Variants in TLR4 observed in about 807,000 individuals in gnomAD.
TLR4 encodes the protein toll like receptor 4.
A neutral mutation model predicts 27.4 loss-of-function variants in TLR4; 17 were observed. That is an observed-to-expected ratio of 0.62 (90% CI 0.42 to 0.93). The LOEUF (loss-of-function observed/expected upper bound fraction) is 0.93. Ranked by LOEUF, TLR4 falls within the 40% of genes least tolerant of loss-of-function variation. The pLI is 0.00. For synonymous variants in TLR4, 363 were observed against 365.7 expected (o/e 0.99, Z 0.08); for missense variants, 926 against 962.3 (o/e 0.96, Z 0.50).
chr9:117,713,978 G>T lies in TLR4; in HGVS notation c.1850G>T (p.Gly617Val), dbSNP rs1231867627. The change falls in exon 3 of 3, where the codon GGC becomes GTC. Residue 617 changes from glycine to valine, a missense_variant. By Grantham distance (109) the Gly-to-Val change is moderately radical (BLOSUM62 -3). Coordinates refer to ENST00000355622, the MANE Select transcript of TLR4 (RefSeq NM_138554.5). ...TGTGCAACACCTTCAGATAAGCAGG[G>T]CATGCCTGTGCTGAGTTTGAATATC... is the stretch of plus-strand genomic sequence containing the variant. Reference protein sequence around the residue: ...MECATPSDKQGMPVLSLNITC... With the variant: ...MECATPSDKQVMPVLSLNITC... 1 of 1,613,964 alleles carries T rather than the reference G, an allele frequency of 6.2e-7. No individual in the cohort carries two copies. Among genetic ancestry groups the T allele is most frequent in the Non-Finnish European group, 8.5e-7 (1 of 1,179,982 alleles).
rs1438346727 is a variant in TLR4 at position 117,724,624 on chromosome 9, A to G, written c.*9976A>G. On this transcript the variant is annotated 3_prime_UTR_variant, in exon 3 of 3. Coordinates refer to ENST00000355622, the MANE Select transcript of TLR4 (RefSeq NM_138554.5). ...CAGATCTGTGTTCTGATCCTGTCTTATGGTATCTGTCTTGTTTGTCTCGGC... is the reference window on the plus strand; with the variant it reads ...CAGATCTGTGTTCTGATCCTGTCTTGTGGTATCTGTCTTGTTTGTCTCGGC... 6 of 152,074 alleles carry G rather than the reference A, an allele frequency of 3.9e-5. No homozygotes were observed. Among genetic ancestry groups the G allele is most frequent in the Admixed American group, 3.3e-4 (5 of 15,262 alleles). The allele number at this position is 152,074 out of a possible 1,614,324, so 9.4% of individuals were successfully genotyped here.
Position 117,719,084 on chromosome 9 carries a change from A to AGTCTTTTG in TLR4, c.*4436_*4437insGTCTTTTG, listed in dbSNP as rs1829392776. The AGTCTTTTG allele has an allele frequency of 6.6e-6, 1 of 151,888 alleles. No individual in the cohort carries two copies. Among genetic ancestry groups the AGTCTTTTG allele is most frequent in the South Asian group, 2.1e-4 (1 of 4,834 alleles). 9.4% of individuals were successfully genotyped at this position (151,888 alleles called of 1,614,324 possible). On this transcript the variant is annotated 3_prime_UTR_variant, in exon 3 of 3. Transcript: ENST00000355622. The stretch of plus-strand genomic sequence containing the variant: ...TCCATTTACTTGTGTGATTGTGGGC[A>AGTCTTTTG]AGTCATTCAAGTGCTTTGAGGCTCA...
chr9:117,712,474 A>G lies in TLR4; in HGVS notation c.346A>G (p.Ser116Gly), dbSNP rs1829248851. Residue 116 changes from serine to glycine, a missense_variant, in exon 3 of 3, where the codon AGT becomes GGT. Physicochemically the swap from Ser to Gly is moderately conservative, Grantham distance 56 (BLOSUM62 0). Coordinates refer to ENST00000355622, the MANE Select transcript of TLR4 (RefSeq NM_138554.5). ...AATATTGACAGGAAACCCCATCCAG[A>G]GTTTAGCCCTGGGAGCCTTTTCTGG... ...TLILTGNPIQ[S>G]LALGAFSGLS... The G allele has an allele frequency of 3.1e-6, 5 of 1,613,748 alleles. No individual in the cohort carries two copies. In the African/African-American group the frequency reaches 6.7e-5, roughly 22 times the overall value.
At chr9:117,707,995 T>C (rs1187747229) in intron 1 of TLR4, 4 of 164,156 alleles carry the variant, frequency 2.4e-5, no homozygotes, top group Non-Finnish European at 5.1e-5. Flanking sequence ...GCATAGATCA[T>C]GAAAATATGG....
intron 2 of TLR4, among the ~76,000 whole-genome samples, chr9:117,710,448 T>TC (rs761685592): frequency 1.5e-4 from 23 of 148,850 alleles, no homozygotes; most frequent in East Asian, 1.2e-3. Context: ...AGACCACCTC[T>TC]CCCTTTTTTT....
chr9:117,705,705 C>G (rs1174700297), intron 1 of TLR4, among the ~76,000 whole-genome samples: 1 of 152,166 alleles, frequency 6.6e-6, no homozygotes, highest in Non-Finnish European at 1.5e-5. Flanking sequence ...TGATTCCAGT[C>G]TTCTTCCTTT....
chr9:117,709,717 G>T (rs1009704858), intron 2 of TLR4, among the ~76,000 whole-genome samples: 14 of 152,160 alleles, frequency 9.2e-5, no homozygotes, highest in African/African-American at 3.4e-4. Flanking sequence ...ATCCTTTTTA[G>T]AGCAGACATT....
rs1474160620 is a variant in TLR4, at chr9:117,721,290, A to T, written c.*6642A>T. 1.3e-5 allele frequency: 2 copies of T among 152,198 alleles called. No individual in the cohort carries two copies. The highest frequency in any genetic ancestry group is 1.5e-5 in the Non-Finnish European group (1 of 68,036). The allele number at this position is 152,198 out of a possible 1,614,324, so 9.4% of individuals were successfully genotyped here. A position where few individuals can be genotyped will look rare whatever the true frequency, so the allele number is the denominator to read the frequency against. On this transcript the variant is annotated 3_prime_UTR_variant, in exon 3 of 3. Transcript: ENST00000355622. ...TTTCATTCTCCATGTCCATGTCTAC[A>T]AATTATTTAGTTTCCACTCATAAGT...
rs377719663 is a variant in TLR4 at position 117,714,254 on chromosome 9, A to G, written c.2126A>G (p.Tyr709Cys). The part of the protein sequence containing the change: ...GVPPFQLCLH[Y>C]RDFIPGVAIA... ...CCTCCATTTCAGCTCTGCCTTCACT[A>G]CAGAGACTTTATTCCCGGTGTGGCC... The change falls in exon 3 of 3, where the codon TAC becomes TGC. Residue 709 changes from tyrosine (Y) to cysteine (C), a missense_variant. Physicochemically the swap from Tyr to Cys is radical, Grantham distance 194. Coordinates refer to ENST00000355622, the MANE Select transcript of TLR4 (RefSeq NM_138554.5). 11 of 1,601,054 alleles carry G rather than the reference A, an allele frequency of 6.9e-6. No individual in the cohort carries two copies. The South Asian group carries it at 8.8e-5, about 13-fold the overall frequency.
chr9:117,713,294 G>T lies in TLR4; in HGVS notation c.1166G>T (p.Gly389Val). ...DLSRNGLSFK[G>V]CCSQSDFGTT... is the part of the protein sequence containing the mutation. The stretch of plus-strand genomic sequence containing the variant: ...AGTAGAAATGGCTTGAGTTTCAAAG[G>T]TTGCTGTTCTCAAAGTGATTTTGGG... The change falls in exon 3 of 3, where the codon GGT (glycine) becomes GTT (valine). Residue 389 changes from glycine (G) to valine (V), a missense_variant. Coordinates refer to ENST00000355622, the MANE Select transcript of TLR4 (RefSeq NM_138554.5). 1 of 1,613,972 alleles carries T rather than the reference G, an allele frequency of 6.2e-7. No individual in the cohort carries two copies. Among genetic ancestry groups the T allele is most frequent in the Non-Finnish European group, 8.5e-7 (1 of 1,180,002 alleles).
At chr9:117,710,182 C>T (rs1290155860) in intron 2 of TLR4, among the ~76,000 whole-genome samples, 2 of 151,940 alleles carry the variant, frequency 1.3e-5, no homozygotes, top group South Asian at 2.1e-4. Flanking sequence ...GAGCATAGTA[C>T]CCAATAGTTA....
In TLR4 at chr9:117,711,229, G is replaced by A. The variant is rs180883202; in HGVS notation, c.261-1160G>A. Among the ~76,000 whole-genome samples, 136 of 152,180 alleles carry A rather than the reference G, an allele frequency of 8.9e-4. 3 individuals carry two copies. Among genetic ancestry groups the A allele is most frequent in the Non-Finnish European group, 2.5e-4 (17 of 67,988 alleles). ...GTTACCAATAAATAACAAAAGCTTG[G>A]ACCACAATGCTTTTATTGTCTAGGA... On this transcript the variant is annotated intron_variant, in intron 2 of 2. Coordinates refer to ENST00000355622, the MANE Select transcript of TLR4 (RefSeq NM_138554.5).
chr9:117,712,691 A>T lies in TLR4; in HGVS notation c.563A>T (p.Gln188Leu), dbSNP rs5030713. 2 of 1,614,024 alleles carry T rather than the reference A, an allele frequency of 1.2e-6. No individual in the cohort carries two copies. Among genetic ancestry groups the T allele is most frequent in the Non-Finnish European group, 1.7e-6 (2 of 1,180,014 alleles). The change falls in exon 3 of 3, where the codon CAA becomes CTA. Residue 188 changes from glutamine (Q) to leucine (L), a missense_variant. Transcript: ENST00000355622. ...EHLDLSSNKI[Q>L]SIYCTDLRVL... ...TTGGACCTTTCCAGCAACAAGATTC[A>T]AAGTATTTATTGCACAGACTTGCGG...
At position 117,719,603 on chromosome 9, in the gene TLR4, AC is replaced by A. The variant is rs1378734001; in HGVS notation, c.*4956del. The A allele has an allele frequency of 6.6e-6, 1 of 152,170 alleles. No individual in the cohort carries two copies. Among genetic ancestry groups the A allele is most frequent in the Non-Finnish European group, 1.5e-5 (1 of 68,012 alleles). The allele number at this position is 152,170 out of a possible 1,614,324, so 9.4% of individuals were successfully genotyped here. ...GTGATCAAAGATTTTTTAACAGTGA[AC>A]AAATCAGGCCCACTAGATGATGGCC... On this transcript the variant is annotated 3_prime_UTR_variant, in exon 3 of 3. Coordinates refer to ENST00000355622, the MANE Select transcript of TLR4 (RefSeq NM_138554.5).
At position 117,708,297 on chromosome 9, in the gene TLR4, A is replaced by T. The variant is rs189929365; in HGVS notation, c.94-266A>T. 1.9e-4 allele frequency: 233 copies of T among 1,246,768 alleles called. No individual in the cohort carries two copies. The Middle Eastern group carries it at 4.4e-3, about 23-fold the overall frequency. The allele number at this position is 1,246,768 out of a possible 1,614,324, so 77.2% of individuals were successfully genotyped here. A position where few individuals can be genotyped will look rare whatever the true frequency, so the allele number is the denominator to read the frequency against. On this transcript the variant is annotated intron_variant, in intron 1 of 2. Transcript: ENST00000355622. The stretch of plus-strand genomic sequence containing the variant: ...CCCCGATTCCATTGCTTCTTGCTAA[A>T]TGCTGCCGTTTTATCACGGAGGTTA...
In TLR4 at chr9:117,717,655, T is replaced by C. The variant is rs1184864239; in HGVS notation, c.*3007T>C. ...GCTTGAAAATGTATGATTTTGTGTATATCCGTGCTACATGTAAGTGTGGTT... is the reference window on the plus strand; with the variant it reads ...GCTTGAAAATGTATGATTTTGTGTACATCCGTGCTACATGTAAGTGTGGTT... On this transcript the variant is annotated 3_prime_UTR_variant, in exon 3 of 3. Transcript: ENST00000355622. The C allele has an allele frequency of 6.6e-6, 1 of 152,162 alleles. No homozygotes were observed. The highest frequency in any genetic ancestry group is 2.4e-5 in the African/African-American group (1 of 41,442). The allele number at this position is 152,162 out of a possible 1,614,324, so 9.4% of individuals were successfully genotyped here.
At chr9:117,704,823 A>G (rs181103749) in intron 1 of TLR4, among the ~76,000 whole-genome samples, 53 of 152,246 alleles carry the variant, frequency 3.5e-4, no homozygotes, top group African/African-American at 1.2e-3. Context: ...CTGCTCTGCT[A>G]CCTTGTGGCT....
chr9:117,722,837 C>A lies in TLR4; in HGVS notation c.*8189C>A, dbSNP rs1829437066. The A allele has an allele frequency of 6.6e-6, 1 of 151,998 alleles. No individual in the cohort carries two copies. Among genetic ancestry groups the A allele is most frequent in the African/African-American group, 2.4e-5 (1 of 41,390 alleles). 9.4% of individuals were successfully genotyped at this position (151,998 alleles called of 1,614,324 possible). A position where few individuals can be genotyped will look rare whatever the true frequency, so the allele number is the denominator to read the frequency against. ...TGTGGTTGACAGATGAATGTATTAC[C>A]TTTAGTGGTTATATGTTTATTTTCA... On this transcript the variant is annotated 3_prime_UTR_variant, in exon 3 of 3. Coordinates refer to ENST00000355622, the MANE Select transcript of TLR4 (RefSeq NM_138554.5).
rs1391301116 is a variant in TLR4 at position 117,719,698 on chromosome 9, C to T, written c.*5050C>T. The T allele has an allele frequency of 1.3e-5, 2 of 152,022 alleles. No homozygotes were observed. Among genetic ancestry groups the T allele is most frequent in the Non-Finnish European group, 2.9e-5 (2 of 68,012 alleles). The allele number at this position is 152,022 out of a possible 1,614,324, so 9.4% of individuals were successfully genotyped here. On this transcript the variant is annotated 3_prime_UTR_variant, in exon 3 of 3. Transcript: ENST00000355622. ...GTTGGTCTGACTTCCTGACGGGCATCACAGACTTGTGATTAAACACAGAGG... is the reference window on the plus strand; with the variant it reads ...GTTGGTCTGACTTCCTGACGGGCATTACAGACTTGTGATTAAACACAGAGG...
Sources: gnomAD v4.1 joint callset for allele counts (sites outside exome capture counted in the v4.1 genomes callset) on GRCh38, gnomAD v4.1.1 for gene constraint, MANE v1.5 for transcripts, NCBI Gene and HGNC (gene_info 2026-07-23, HGNC 2026-07-21) for gene names.